RAF1: variants seen among roughly 807,000 people sequenced by gnomAD.
The protein encoded by RAF1 is Raf-1 proto-oncogene, serine/threonine kinase.
A neutral mutation model predicts 81.1 loss-of-function variants in RAF1; 27 were observed. The observed-to-expected ratio is 0.33, with a 90% confidence interval of 0.25 to 0.46. The LOEUF is 0.46. RAF1 is among the 20% of genes least tolerant of loss of function. RAF1 has a pLI of 1.00. For synonymous variants in RAF1, 298 were observed against 294.0 expected (o/e 1.01, Z -0.14); for missense variants, 598 against 826.0 (o/e 0.72, Z 3.38).
At chr3:12,662,511 T>A (rs973233292) in intron 1 of RAF1, among the ~76,000 whole-genome samples, 11 of 151,960 alleles carry the variant, frequency 7.2e-5, no homozygotes, top group African/African-American at 2.7e-4. Context: ...GCAACCCATG[T>A]ACAATAATCC....
chr3:12,593,228 C>T (rs1339388533), intron 11 of RAF1, among the ~76,000 whole-genome samples: 4 of 151,936 alleles, frequency 2.6e-5, no homozygotes, highest in African/African-American at 4.8e-5. Context: ...TACAGGCATG[C>T]TCCACCATGC....
At chr3:12,592,592 C>G (rs1261509537) in intron 11 of RAF1, among the ~76,000 whole-genome samples, 1 of 152,140 alleles carries the variant, frequency 6.6e-6, no homozygotes, top group Admixed American at 6.5e-5. Flanking sequence ...AGGATCAAAA[C>G]CCCAGTCTGA....
chr3:12,631,555 C>A (rs923357391), intron 1 of RAF1, among the ~76,000 whole-genome samples: 4 of 152,154 alleles, frequency 2.6e-5, no homozygotes, highest in Non-Finnish European at 5.9e-5. Flanking sequence ...GCCGAGATCG[C>A]GCCACTGCAC....
chr3:12,607,973 A>AAG (rs869249193), intron 5 of RAF1, among the ~76,000 whole-genome samples: 18 of 137,758 alleles, frequency 1.3e-4, no homozygotes, highest in African/African-American at 4.5e-4. Context: ...AAAAAAAAAA[A>AAG]GGGTGGGGGA....
chr3:12,593,785 C>CTT (rs1559411784), intron 11 of RAF1, among the ~76,000 whole-genome samples: 1 of 119,516 alleles, frequency 8.4e-6, no homozygotes, highest in Admixed American at 8.2e-5. Flanking sequence ...GGGAGTAAAT[C>CTT]CTTTTTTTTT....
chr3:12,628,600 A>T (rs1445541162), intron 1 of RAF1, among the ~76,000 whole-genome samples: 1 of 152,066 alleles, frequency 6.6e-6, no homozygotes, highest in Admixed American at 6.6e-5. Flanking sequence ...AAATCTCAGT[A>T]TATTATACTA....
At chr3:12,639,978 G>C (rs1162145938) in intron 1 of RAF1, among the ~76,000 whole-genome samples, 1 of 152,094 alleles carries the variant, frequency 6.6e-6, no homozygotes, top group African/African-American at 2.4e-5. Context: ...ATACTACAAG[G>C]CTACAGTAAC....
At chr3:12,633,050 A>G (rs1425762472) in intron 1 of RAF1, among the ~76,000 whole-genome samples, 2 of 152,190 alleles carry the variant, frequency 1.3e-5, no homozygotes, top group Admixed American at 6.6e-5. Flanking sequence ...CTTACCTTAC[A>G]ATAAAGCTCA....
At chr3:12,621,805 A>G (rs1486613438) in intron 1 of RAF1, among the ~76,000 whole-genome samples, 1 of 152,228 alleles carries the variant, frequency 6.6e-6, no homozygotes, top group East Asian at 1.9e-4. Context: ...AGAGGTGGGA[A>G]AAGATATCCA....
At chr3:12,618,304 C>G (rs896987961) in intron 2 of RAF1, among the ~76,000 whole-genome samples, 1 of 149,696 alleles carries the variant, frequency 6.7e-6, no homozygotes. Context: ...ACATTCCAGG[C>G]AAGAGTAACA....
intron 1 of RAF1, among the ~76,000 whole-genome samples, chr3:12,657,856 CA>C (rs55918245): frequency 8.3e-5 from 12 of 143,782 alleles, no homozygotes; most frequent in South Asian, 2.4e-4. Flanking sequence ...TTTTATCACC[CA>C]AAAAAAAAAC....
chr3:12,648,021 G>A (rs1189065590), intron 1 of RAF1, among the ~76,000 whole-genome samples: 1 of 152,166 alleles, frequency 6.6e-6, no homozygotes, highest in Non-Finnish European at 1.5e-5. Context: ...GATACCTGGA[G>A]CCAACTTTAT....
chr3:12,594,031 A>G (rs2058608660), intron 11 of RAF1, among the ~76,000 whole-genome samples: 1 of 152,188 alleles, frequency 6.6e-6, no homozygotes, highest in Non-Finnish European at 1.5e-5. Context: ...CACATCAGAA[A>G]TAAAGGTGAG....
intron 7 of RAF1, 130 bp downstream of exon 7, chr3:12,604,004 CTG>C: frequency 2.0e-6 from 2 of 1,004,492 alleles, no homozygotes; most frequent in Admixed American, 3.8e-5. Context: ...ATAAAATAAA[CTG>C]TAAAAGTCCA....
Position 12,616,156 on chromosome 3 carries a change from AAAAAAGTACAGAACTTGTCT to A in RAF1, c.207+2339_207+2358del, listed in dbSNP as rs2059362660. Among the ~76,000 whole-genome samples, 3 of 152,352 alleles carry A rather than the reference AAAAAAGTACAGAACTTGTCT, an allele frequency of 2.0e-5. No individual in the cohort carries two copies. The South Asian group carries it at 6.2e-4, about 32-fold the overall frequency. ...TTCATAAAGGTCAGGAAAGAGGATC[AAAAAAGTACAGAACTTGTCT>A]AAATGATACAGCTAATAAAAGGCAA... is the stretch of plus-strand genomic sequence containing the variant. On this transcript the variant is annotated intron_variant, in intron 2 of 17. Transcript: ENST00000442415.
At chr3:12,598,672 G>GC (rs1553612645) in intron 11 of RAF1, among the ~76,000 whole-genome samples, 1 of 141,136 alleles carries the variant, frequency 7.1e-6, no homozygotes, top group Non-Finnish European at 1.5e-5. Flanking sequence ...GCTGCAGTGA[G>GC]CTGTGATTGT....
At chr3:12,661,912 C>A (rs2125595468) in intron 1 of RAF1, among the ~76,000 whole-genome samples, 1 of 151,952 alleles carries the variant, frequency 6.6e-6, no homozygotes, top group South Asian at 2.1e-4. Context: ...TAGCCAGGCA[C>A]AGTGGATCAC....
intron 1 of RAF1, among the ~76,000 whole-genome samples, chr3:12,627,350 C>T (rs994218422): frequency 1.3e-5 from 2 of 152,192 alleles, no homozygotes; most frequent in Non-Finnish European, 2.9e-5. Flanking sequence ...TCACCCCTAC[C>T]AATCATCACA....
intron 11 of RAF1, among the ~76,000 whole-genome samples, chr3:12,598,186 T>C (rs943507684): frequency 6.6e-6 from 1 of 151,442 alleles, no homozygotes; most frequent in Non-Finnish European, 1.5e-5. Context: ...ATCTACCTAA[T>C]TTTTGGTAGA....
Sources: gnomAD v4.1 joint callset for allele counts (sites outside exome capture counted in the v4.1 genomes callset) on GRCh38, gnomAD v4.1.1 for gene constraint, MANE v1.5 for transcripts, NCBI Gene and HGNC (gene_info 2026-07-23, HGNC 2026-07-21) for gene names.